The following LRIG3 variants were observed in gnomAD, a reference collection of about 807,000 sequenced individuals.
LRIG3 encodes leucine-rich repeats and immunoglobulin-like domains protein 3.
In LRIG3, 76 loss-of-function variants were observed where a neutral mutation model predicts 114.5. That is an observed-to-expected ratio of 0.66 (90% CI 0.55 to 0.80). The LOEUF (loss-of-function observed/expected upper bound fraction) is 0.80, where lower values mean the gene tolerates loss of function less well. Ranked by LOEUF, LRIG3 falls within the 30% of genes least tolerant of loss-of-function variation. The probability of loss-of-function intolerance (pLI) is 0.00; values close to 1 mark genes in which losing one functional copy is unlikely to be tolerated. For missense variants in LRIG3, 1,239 were observed against 1,382.8 expected (o/e 0.90, Z 1.65); for synonymous variants, 512 against 519.8 (o/e 0.98, Z 0.20).
At chr12:58,918,245 A>G (rs1239563095) in intron 1 of LRIG3, among the ~76,000 whole-genome samples, 1 of 152,246 alleles carries the variant, frequency 6.6e-6, no homozygotes, top group African/African-American at 2.4e-5. Flanking sequence ...GTAATTAAAG[A>G]CTGTGCTAAC....
Position 58,913,989 on chromosome 12 carries a change from G to T in LRIG3, c.376C>A (p.Leu126Ile). The change falls in exon 3 of 19, where the codon CTC (leucine) becomes ATC (isoleucine). Residue 126 changes from leucine to isoleucine, a missense_variant. Coordinates refer to ENST00000320743, the MANE Select transcript of LRIG3 (RefSeq NM_153377.5). The stretch of plus-strand genomic sequence containing the variant: ...CTGCTGATATTCACTTACAAGGAGA[G>T]AAGTGTAATATTTGCCGAGACTGGT... ...LGPVSANITL[L>I]SLAGNRIVEI... is the part of the protein sequence containing the mutation. 6.2e-7 allele frequency: 1 copy of T among 1,611,684 alleles called. No homozygotes were observed.
intron 16 of LRIG3, among the ~76,000 whole-genome samples, chr12:58,875,348 T>C (rs868710938): frequency 2.6e-5 from 4 of 152,346 alleles, no homozygotes; most frequent in Non-Finnish European, 5.9e-5. Flanking sequence ...CTCACTTCTA[T>C]GCTCAGATCC....
chr12:58,893,581 T>C (rs901379395), intron 3 of LRIG3, among the ~76,000 whole-genome samples: 4 of 152,184 alleles, frequency 2.6e-5, no homozygotes, highest in Non-Finnish European at 5.9e-5. Flanking sequence ...CTGTGAGGTA[T>C]AGGGTAATGC....
chr12:58,888,766 G>T, intron 6 of LRIG3, 53 bp downstream of exon 6: 1 of 1,590,520 alleles, frequency 6.3e-7, no homozygotes, highest in South Asian at 1.1e-5. Context: ...AATGTACACT[G>T]AGCATTCTAT....
At chr12:58,890,494 G>A (rs1429413711) in intron 4 of LRIG3, among the ~76,000 whole-genome samples, 171 bp downstream of exon 4, 1 of 152,140 alleles carries the variant, frequency 6.6e-6, no homozygotes, top group Admixed American at 6.5e-5. Context: ...ATCTAAAAGT[G>A]TAAGAATAAA....
Position 58,898,422 on chromosome 12 carries a change from GT to G in LRIG3, c.384-7627del, listed in dbSNP as rs375087124. Among the ~76,000 whole-genome samples the G allele has an allele frequency of 1.8e-4, 28 of 152,266 alleles. No homozygotes were observed. In the East Asian group the frequency reaches 5.0e-3, roughly 27 times the overall value. ...CATACAACTGCATCATGTAAATACTGTAGCCTCTTGTAGAACCTACCCTCCC... is the reference window on the plus strand; with the variant it reads ...CATACAACTGCATCATGTAAATACTGAGCCTCTTGTAGAACCTACCCTCCC... On this transcript the variant is annotated intron_variant, in intron 3 of 18. Coordinates refer to ENST00000320743, the MANE Select transcript of LRIG3 (RefSeq NM_153377.5).
chr12:58,890,750 A>C lies in LRIG3; in HGVS notation c.430T>G (p.Phe144Val), dbSNP rs1339957054. 1.2e-6 allele frequency: 2 copies of C among 1,605,104 alleles called. No homozygotes were observed. Among genetic ancestry groups the C allele is most frequent in the Non-Finnish European group, 1.7e-6 (2 of 1,176,424 alleles). Reference protein sequence around the residue: ...VEILPEHLKEFQSLETLDLSS... With the variant: ...VEILPEHLKEVQSLETLDLSS... ...AGGTCCAAAGTTTCAAGGGACTGAAACTCTTTCAGATGTTCAGGGAGTATT... is the reference window on the plus strand; with the variant it reads ...AGGTCCAAAGTTTCAAGGGACTGAACCTCTTTCAGATGTTCAGGGAGTATT... The change falls in exon 4 of 19, where the codon TTT becomes GTT. Residue 144 changes from phenylalanine (F) to valine (V), a missense_variant. Phe to Val is a conservative substitution (Grantham distance 50, BLOSUM62 -1). Transcript: ENST00000320743.
intron 3 of LRIG3, among the ~76,000 whole-genome samples, chr12:58,900,133 T>C (rs991669539): frequency 6.6e-6 from 1 of 152,200 alleles, no homozygotes; most frequent in African/African-American, 2.4e-5. Context: ...GGAAAGGTAG[T>C]TACTGGGCTG....
intron 6 of LRIG3, 108 bp from the exon 7 acceptor site, chr12:58,888,580 T>C: frequency 7.0e-7 from 1 of 1,434,564 alleles, no homozygotes; most frequent in East Asian, 2.4e-5. Flanking sequence ...TTATTAGATG[T>C]TTAGCTTTTG....
chr12:58,889,512 G>A (rs1195877525), intron 5 of LRIG3, among the ~76,000 whole-genome samples: 1 of 147,344 alleles, frequency 6.8e-6, no homozygotes, highest in Non-Finnish European at 1.5e-5. Flanking sequence ...TCTAAGGTGT[G>A]GCCTGGGCAG....
At chr12:58,888,671 T>C (rs1471905459) in intron 6 of LRIG3, 148 bp downstream of exon 6, 1 of 1,291,022 alleles carries the variant, frequency 7.7e-7, no homozygotes, top group Non-Finnish European at 1.1e-6. Context: ...TCGATCACAT[T>C]ACCTGAATCA....
At chr12:58,903,070 C>G (rs1049296789) in intron 3 of LRIG3, among the ~76,000 whole-genome samples, 6 of 152,116 alleles carry the variant, frequency 3.9e-5, no homozygotes, top group Non-Finnish European at 7.4e-5. Flanking sequence ...ATTTATAGTC[C>G]TTTGGGTATA....
chr12:58,903,826 C>A (rs891430094), intron 3 of LRIG3, among the ~76,000 whole-genome samples: 8 of 151,910 alleles, frequency 5.3e-5, no homozygotes, highest in African/African-American at 1.9e-4. Context: ...ATAGGGAATC[C>A]TTTCCCCATT....
At position 58,879,185 on chromosome 12, in the gene LRIG3, G is replaced by A. The variant is rs1871035467; in HGVS notation, c.1802-80C>T. The A allele has an allele frequency of 2.8e-6, 4 of 1,439,002 alleles. No homozygotes were observed. In the East Asian group the frequency reaches 7.1e-5, roughly 25 times the overall value. 89.1% of individuals were successfully genotyped at this position (1,439,002 alleles called of 1,614,324 possible). ...TTGCATTCCTTTTTATTATTTGTTTGTTTGTTTGATACTTACAGATTGTCC... is the reference window on the plus strand; with the variant it reads ...TTGCATTCCTTTTTATTATTTGTTTATTTGTTTGATACTTACAGATTGTCC... On this transcript the variant is annotated intron_variant, in intron 13 of 18. Transcript: ENST00000320743.
chr12:58,889,896 T>G, intron 5 of LRIG3, 100 bp downstream of exon 5: 2 of 1,416,158 alleles, frequency 1.4e-6, no homozygotes, highest in Non-Finnish European at 1.9e-6. Flanking sequence ...GCTACATCCT[T>G]GCTCCTAAAC....
intron 3 of LRIG3, 148 bp downstream of exon 3, chr12:58,913,834 A>C: frequency 1.6e-6 from 1 of 614,234 alleles, no homozygotes. Context: ...CTAGAAAACA[A>C]GTTAACCAAT....
At chr12:58,890,873 G>T in intron 3 of LRIG3, 77 bp from the exon 4 acceptor site, 1 of 1,435,312 alleles carries the variant, frequency 7.0e-7, no homozygotes. Flanking sequence ...TTCTATTCCT[G>T]ACTGGTTCTT....
In LRIG3 at chr12:58,877,593, G is replaced by T; in HGVS notation, c.2343C>A (p.Arg781=). Residue 781 remains arginine (R), a synonymous_variant, in exon 15 of 19, where the codon CGC becomes CGA. Coordinates refer to ENST00000320743, the MANE Select transcript of LRIG3 (RefSeq NM_153377.5). ...NTLGTERGNV[R]LSVIPTPTCD... ...AGGTTGGAGTGGGGATCACACTGAG[G>T]CGCACGTTTCCTCTCTCAGTGCCAA... is the stretch of plus-strand genomic sequence containing the variant. 1 of 1,614,198 alleles carries T rather than the reference G, an allele frequency of 6.2e-7. No individual in the cohort carries two copies.
chr12:58,872,514 T>C lies in LRIG3; in HGVS notation c.*58A>G, dbSNP rs1258144245. The C allele has an allele frequency of 2.0e-6, 3 of 1,475,408 alleles. No homozygotes were observed. In the Admixed American group the frequency reaches 6.9e-5, roughly 34 times the overall value. 91.4% of individuals were successfully genotyped at this position (1,475,408 alleles called of 1,614,324 possible). ...TTAAAAAACATAAGATTCTCTCTCT[T>C]TTAAATAAAAGTTCACTTGAGGTAG... On this transcript the variant is annotated 3_prime_UTR_variant, in exon 19 of 19. Coordinates refer to ENST00000320743, the MANE Select transcript of LRIG3 (RefSeq NM_153377.5).
Sources: allele counts gnomAD v4.1 joint callset (sites outside exome capture counted in the v4.1 genomes callset), GRCh38; gene constraint gnomAD v4.1.1; transcripts MANE v1.5; gene names NCBI Gene and HGNC (gene_info 2026-07-23, HGNC 2026-07-21).